KCNH7: variants seen among roughly 807,000 people sequenced by gnomAD.
The protein encoded by KCNH7 is potassium voltage-gated channel subfamily H member 7.
A neutral mutation model predicts 120.8 loss-of-function variants in KCNH7; 49 were observed. The ratio of observed to expected loss-of-function variants is 0.41; its 90% CI spans 0.32 to 0.51. The LOEUF (loss-of-function observed/expected upper bound fraction) is 0.51. Ranked by LOEUF, KCNH7 falls within the 20% of genes least tolerant of loss-of-function variation. The pLI is 0.38. For missense variants in KCNH7, 1,097 were observed against 1,446.6 expected (o/e 0.76, Z 3.92); for synonymous variants, 547 against 516.1 (o/e 1.06, Z -0.81).
intron 2 of KCNH7, among the ~76,000 whole-genome samples, chr2:162,721,263 T>C (rs1246392886): frequency 6.6e-6 from 1 of 152,180 alleles, no homozygotes; most frequent in Non-Finnish European, 1.5e-5. Flanking sequence ...ATTTTAATAA[T>C]AGTTTTAAAT....
Position 162,517,256 on chromosome 2 carries a change from C to T in KCNH7, c.892+474G>A, listed in dbSNP as rs548838384. On this transcript the variant is annotated intron_variant, in intron 4 of 15. Transcript: ENST00000332142. ...TCCCCTTCATCCTACCTACCTTGCACCCCTGTCAGCTTACAGCTTTCTGAT... is the reference window on the plus strand; with the variant it reads ...TCCCCTTCATCCTACCTACCTTGCATCCCTGTCAGCTTACAGCTTTCTGAT... Among the ~76,000 whole-genome samples the T allele has an allele frequency of 2.0e-5, 3 of 151,816 alleles. No homozygotes were observed. In the East Asian group the frequency reaches 5.9e-4, roughly 30 times the overall value.
intron 2 of KCNH7, among the ~76,000 whole-genome samples, chr2:162,667,460 C>A (rs1234149512): frequency 6.6e-6 from 1 of 152,158 alleles, no homozygotes; most frequent in Non-Finnish European, 1.5e-5. Flanking sequence ...GGCCTATATA[C>A]TTTATTTCTC....
At chr2:162,801,276 A>G (rs1684338104) in intron 2 of KCNH7, among the ~76,000 whole-genome samples, 1 of 8,394 alleles carries the variant, frequency 1.2e-4, no homozygotes, top group African/African-American at 1.3e-4. Flanking sequence ...AAGCATAAAT[A>G]TTTCCCTCTT....
At chr2:162,402,788 C>T (rs892164946) in intron 9 of KCNH7, among the ~76,000 whole-genome samples, 1 of 150,544 alleles carries the variant, frequency 6.6e-6, no homozygotes, top group African/African-American at 2.4e-5. Flanking sequence ...AAAAAAATTG[C>T]GTGTGTGTGT....
At chr2:162,618,322 G>C (rs1445478152) in intron 2 of KCNH7, among the ~76,000 whole-genome samples, 1 of 151,748 alleles carries the variant, frequency 6.6e-6, no homozygotes, top group African/African-American at 2.4e-5. Context: ...ATTATGGTTA[G>C]GAAAGATAAA....
At chr2:162,496,926 T>C (rs977768569) in intron 6 of KCNH7, 1 of 152,174 alleles carries the variant, frequency 6.6e-6, no homozygotes, top group Non-Finnish European at 1.5e-5. Flanking sequence ...TTAAGATATT[T>C]TGTACTAATA....
At chr2:162,385,446 T>C (rs985817608) in intron 12 of KCNH7, among the ~76,000 whole-genome samples, 2 of 151,968 alleles carry the variant, frequency 1.3e-5, no homozygotes, top group Non-Finnish European at 2.9e-5. Flanking sequence ...GTCTGATGCA[T>C]GTAATGGCCT....
intron 2 of KCNH7, among the ~76,000 whole-genome samples, chr2:162,646,260 T>A (rs6720469): frequency 0.14 from 21,280 of 152,264 alleles, 3,112 homozygotes; most frequent in African/African-American, 0.37. Context: ...TGCATCTGCT[T>A]CTCATACATC....
At chr2:162,690,439 A>T (rs1479733390) in intron 2 of KCNH7, among the ~76,000 whole-genome samples, 1 of 152,150 alleles carries the variant, frequency 6.6e-6, no homozygotes, top group African/African-American at 2.4e-5. Flanking sequence ...AGTAAAGGAA[A>T]TGCTGGTTTT....
intron 2 of KCNH7, among the ~76,000 whole-genome samples, chr2:162,593,742 C>T (rs572728531): frequency 6.6e-6 from 1 of 151,938 alleles, no homozygotes. Context: ...AAACTCATTT[C>T]TAAATGAAAA....
chr2:162,405,546 T>C (rs1687186497), intron 9 of KCNH7, among the ~76,000 whole-genome samples: 1 of 151,962 alleles, frequency 6.6e-6, no homozygotes, highest in African/African-American at 2.4e-5. Flanking sequence ...CTCTAAAATG[T>C]ATATGTGCTG....
At chr2:162,605,847 T>C (rs958629127) in intron 2 of KCNH7, among the ~76,000 whole-genome samples, 1 of 152,100 alleles carries the variant, frequency 6.6e-6, no homozygotes, top group African/African-American at 2.4e-5. Context: ...AGCATTGAAA[T>C]AGACCCATGA....
chr2:162,751,150 C>T (rs184189825), intron 2 of KCNH7, among the ~76,000 whole-genome samples: 52 of 152,232 alleles, frequency 3.4e-4, no homozygotes, highest in Admixed American at 1.6e-3. Context: ...TTTCTTATCT[C>T]ATATAACATT....
chr2:162,543,324 T>A (rs547269499), intron 2 of KCNH7, among the ~76,000 whole-genome samples: 1 of 151,946 alleles, frequency 6.6e-6, no homozygotes, highest in South Asian at 2.1e-4. Context: ...ACCAACATGA[T>A]TAAATTACAA....
intron 2 of KCNH7, among the ~76,000 whole-genome samples, chr2:162,731,730 A>G (rs922027098): frequency 6.6e-6 from 1 of 152,182 alleles, no homozygotes; most frequent in Non-Finnish European, 1.5e-5. Context: ...AGGGTTGCAG[A>G]TACATCTGAA....
chr2:162,825,415 T>C lies in KCNH7; in HGVS notation c.307+11122A>G, dbSNP rs997266813. Reference sequence around the variant, plus strand: ...CACATTTAGTGATCAGACAATAAGGTACTCTTTCTACTAGATCAACAAAAA... The same window carrying C: ...CACATTTAGTGATCAGACAATAAGGCACTCTTTCTACTAGATCAACAAAAA... On this transcript the variant is annotated intron_variant, in intron 2 of 15. Coordinates refer to ENST00000332142, the MANE Select transcript of KCNH7 (RefSeq NM_033272.4). 1.4e-4 allele frequency among the ~76,000 whole-genome samples: 21 copies of C among 152,040 alleles called. 1 individual carries two copies. Among genetic ancestry groups the C allele is most frequent in the Non-Finnish European group, 2.5e-4 (17 of 67,952 alleles).
chr2:162,669,420 G>A (rs1685258001), intron 2 of KCNH7, among the ~76,000 whole-genome samples: 1 of 152,142 alleles, frequency 6.6e-6, no homozygotes, highest in Admixed American at 6.5e-5. Flanking sequence ...AAAATCAGTG[G>A]AATGAATCTT....
At chr2:162,519,497 A>G (rs1691442042) in intron 3 of KCNH7, among the ~76,000 whole-genome samples, 1 of 151,852 alleles carries the variant, frequency 6.6e-6, no homozygotes, top group Non-Finnish European at 1.5e-5. Flanking sequence ...GGTTTGGAAG[A>G]AGGGAGATAT....
At chr2:162,753,123 A>C (rs1393119969) in intron 2 of KCNH7, among the ~76,000 whole-genome samples, 5 of 151,538 alleles carry the variant, frequency 3.3e-5, no homozygotes, top group African/African-American at 1.2e-4. Flanking sequence ...GGAAACCCTA[A>C]ATTTTAAAAT....
Sources: gnomAD v4.1 joint callset for allele counts (sites outside exome capture counted in the v4.1 genomes callset) on GRCh38, gnomAD v4.1.1 for gene constraint, MANE v1.5 for transcripts, NCBI Gene and HGNC (gene_info 2026-07-23, HGNC 2026-07-21) for gene names.